The following ADAM18 variants were observed in gnomAD, a reference collection of about 807,000 sequenced individuals.
ADAM18 encodes ADAM metallopeptidase domain 18.
In ADAM18, 117 loss-of-function variants were observed where a neutral mutation model predicts 94.4. The ratio of observed to expected loss-of-function variants is 1.24; its 90% CI spans 1.07 to 1.45. The LOEUF is 1.45. ADAM18 is among the 40% of genes most tolerant of loss of function. The pLI is 0.00. For synonymous variants in ADAM18, 327 were observed against 291.6 expected (o/e 1.12, Z -1.24); for missense variants, 936 against 880.0 (o/e 1.06, Z -0.81).
intron 12 of ADAM18, among the ~76,000 whole-genome samples, chr8:39,650,837 C>T (rs1820512261): frequency 6.6e-6 from 1 of 152,114 alleles, no homozygotes; most frequent in South Asian, 2.1e-4. Flanking sequence ...CGTTTCTTGT[C>T]AGGTGGAATG....
At chr8:39,649,717 T>TA (rs1173497671) in intron 12 of ADAM18, among the ~76,000 whole-genome samples, 1 of 152,190 alleles carries the variant, frequency 6.6e-6, no homozygotes, top group Non-Finnish European at 1.5e-5. Flanking sequence ...TGCTTCCTGT[T>TA]ACCTCAGTGG....
intron 6 of ADAM18, chr8:39,610,943 A>G (rs1274782105): frequency 5.7e-6 from 7 of 1,224,100 alleles, no homozygotes; most frequent in Non-Finnish European, 6.2e-6. Context: ...TTCAAACAAA[A>G]TGATACTATT....
intron 19 of ADAM18, among the ~76,000 whole-genome samples, chr8:39,725,402 T>A (rs980987902): frequency 2.0e-5 from 3 of 152,098 alleles, no homozygotes; most frequent in African/African-American, 4.8e-5. Flanking sequence ...CAATACAGTA[T>A]TGTTAGCTAT....
intron 2 of ADAM18, among the ~76,000 whole-genome samples, chr8:39,587,966 C>A (rs925022430): frequency 6.6e-6 from 1 of 152,104 alleles, no homozygotes; most frequent in African/African-American, 2.4e-5. Context: ...TTCCAAACCA[C>A]GAATATTGTG....
intron 7 of ADAM18, among the ~76,000 whole-genome samples, chr8:39,634,531 C>G (rs1387230820): frequency 6.6e-6 from 1 of 152,216 alleles, no homozygotes; most frequent in Non-Finnish European, 1.5e-5. Flanking sequence ...CCCAATGTGT[C>G]TCATGGGTGG....
chr8:39,706,233 A>G (rs898038133), intron 17 of ADAM18, among the ~76,000 whole-genome samples: 2 of 152,142 alleles, frequency 1.3e-5, no homozygotes, highest in African/African-American at 4.8e-5. Context: ...TTGTTGATTT[A>G]TAATATTTGC....
chr8:39,724,669 C>T (rs1001357697), intron 19 of ADAM18, among the ~76,000 whole-genome samples: 1 of 151,660 alleles, frequency 6.6e-6, no homozygotes. Flanking sequence ...GTTTTGAGAT[C>T]TTTGTTTTTC....
At chr8:39,717,001 A>T (rs1036258862) in intron 18 of ADAM18, among the ~76,000 whole-genome samples, 1 of 151,856 alleles carries the variant, frequency 6.6e-6, no homozygotes, top group African/African-American at 2.4e-5. Context: ...CTGACCACTT[A>T]TGCTCCATTT....
At chr8:39,608,902 C>T in intron 3 of ADAM18, 140 bp from the exon 4 acceptor site, 1 of 594,520 alleles carries the variant, frequency 1.7e-6, no homozygotes, top group Non-Finnish European at 2.9e-6. Flanking sequence ...AACTGTTATG[C>T]CTCACTAAAA....
rs953339691 is a variant in ADAM18 at position 39,729,344 on chromosome 8, A to C, written c.2178-554A>C. On this transcript the variant is annotated intron_variant, in intron 19 of 19. Transcript: ENST00000265707. ...GGTTAGAATGTGTATTTTACTACAC[A>C]AAGTATTTTTATAAAGTGAATAAGG... is the stretch of plus-strand genomic sequence containing the variant. Among the ~76,000 whole-genome samples the C allele has an allele frequency of 1.1e-4, 16 of 152,338 alleles. No homozygotes were observed. The East Asian group carries it at 2.9e-3, about 28-fold the overall frequency.
chr8:39,730,063 C>T lies in ADAM18; in HGVS notation c.*123C>T. On this transcript the variant is annotated 3_prime_UTR_variant, in exon 20 of 20. Transcript: ENST00000265707. ...TGGAAAATAAAGCCTGCGTGCCCTC[C>T]CATGTGCCTCCTCCAGTGCCTCTTG... is the stretch of plus-strand genomic sequence containing the variant. 2.3e-6 allele frequency: 2 copies of T among 866,946 alleles called. No individual in the cohort carries two copies. The highest frequency in any genetic ancestry group is 3.8e-6 in the Non-Finnish European group (2 of 530,380). 53.7% of individuals were successfully genotyped at this position (866,946 alleles called of 1,614,324 possible).
intron 17 of ADAM18, among the ~76,000 whole-genome samples, chr8:39,706,333 G>A (rs1240186373): frequency 6.6e-6 from 1 of 151,946 alleles, no homozygotes; most frequent in Non-Finnish European, 1.5e-5. Context: ...GTTGAAAAGG[G>A]GCTAGGATAA....
chr8:39,611,752 G>A (rs916962112), intron 6 of ADAM18, among the ~76,000 whole-genome samples: 1 of 151,888 alleles, frequency 6.6e-6, no homozygotes, highest in Admixed American at 6.6e-5. Context: ...GTGCCTATAG[G>A]TTGTGATGGG....
rs2129580882 is a variant in ADAM18 at position 39,692,631 on chromosome 8, A to T, written c.1853A>T (p.His618Leu). 6.2e-7 allele frequency: 1 copy of T among 1,606,698 alleles called. No homozygotes were observed. Among genetic ancestry groups the T allele is most frequent in the Non-Finnish European group, 8.5e-7 (1 of 1,175,906 alleles). ...GTAAATAAAACCTGCAGAAAAGTTC[A>T]TTTAATGGGATATAACTGTAATGCC... The part of the protein sequence containing the change: ...YCVNKTCRKV[H>L]LMGYNCNATT... Residue 618 changes from histidine (H) to leucine (L), a missense_variant, in exon 17 of 20, where the codon CAT (histidine) becomes CTT (leucine). Physicochemically the swap from His to Leu is moderately conservative, Grantham distance 99. Coordinates refer to ENST00000265707, the MANE Select transcript of ADAM18 (RefSeq NM_014237.3).
chr8:39,690,401 T>G (rs1264822749), intron 16 of ADAM18, among the ~76,000 whole-genome samples: 1 of 152,090 alleles, frequency 6.6e-6, no homozygotes, highest in East Asian at 1.9e-4. Flanking sequence ...CAGGGGGCAC[T>G]TCAGCAGGTG....
At chr8:39,592,259 T>A (rs1303893399) in intron 2 of ADAM18, among the ~76,000 whole-genome samples, 2 of 152,166 alleles carry the variant, frequency 1.3e-5, no homozygotes. Context: ...ACATTAAGAT[T>A]GGGTAGAATG....
chr8:39,722,438 C>A (rs1822786693), intron 18 of ADAM18, among the ~76,000 whole-genome samples: 1 of 151,052 alleles, frequency 6.6e-6, no homozygotes, highest in Non-Finnish European at 1.5e-5. Context: ...AAGCCAAATA[C>A]TGCATTGGCT....
chr8:39,618,682 A>G lies in ADAM18; in HGVS notation c.522+7976A>G, dbSNP rs539243675. ...AAAGAGGCCTAGAAGAGCCGTGGCA[A>G]GATGAGGGCATTTATAGCCCTTTCT... On this transcript the variant is annotated intron_variant, in intron 6 of 19. Transcript: ENST00000265707. Among the ~76,000 whole-genome samples the G allele has an allele frequency of 4.6e-5, 7 of 152,310 alleles. No homozygotes were observed. In the East Asian group the frequency reaches 1.4e-3, roughly 29 times the overall value.
chr8:39,680,287 C>A, intron 16 of ADAM18, 61 bp downstream of exon 16: 1 of 1,420,362 alleles, frequency 7.0e-7, no homozygotes, highest in Non-Finnish European at 9.6e-7. Flanking sequence ...TCAGATACTG[C>A]ATTCCATGAT....
Sources: allele counts gnomAD v4.1 joint callset (sites outside exome capture counted in the v4.1 genomes callset), GRCh38; gene constraint gnomAD v4.1.1; transcripts MANE v1.5; gene names NCBI Gene and HGNC (gene_info 2026-07-23, HGNC 2026-07-21).